Variants in SOBP observed in about 807,000 individuals in gnomAD.
SOBP encodes sine oculis-binding protein homolog.
In SOBP, 4 loss-of-function variants were observed where a neutral mutation model predicts 53.6. The ratio of observed to expected loss-of-function variants is 0.07; its 90% confidence interval spans 0.04 to 0.17. The LOEUF (loss-of-function observed/expected upper bound fraction) is 0.17, where lower values mean the gene tolerates loss of function less well. SOBP is among the 10% of genes least tolerant of loss of function. The pLI, the probability that SOBP is intolerant of heterozygous loss-of-function variation, is 1.00. For synonymous variants in SOBP, 584 were observed against 522.6 expected (o/e 1.12, Z -1.60); for missense variants, 1,088 against 1,204.7 (o/e 0.90, Z 1.43).
chr6:107,578,870 T>C (rs1785318524), intron 4 of SOBP, among the ~76,000 whole-genome samples: 1 of 152,206 alleles, frequency 6.6e-6, no homozygotes, highest in African/African-American at 2.4e-5. Flanking sequence ...GCCTTACAGA[T>C]AGGGTCCTGG....
intron 5 of SOBP, among the ~76,000 whole-genome samples, chr6:107,632,040 C>A (rs1256877374): frequency 6.6e-6 from 1 of 152,208 alleles, no homozygotes; most frequent in African/African-American, 2.4e-5. Context: ...GATGAGTAAT[C>A]AAATGCCCAG....
At chr6:107,492,057 C>G in intron 1 of SOBP, among the ~76,000 whole-genome samples, 1 of 152,204 alleles carries the variant, frequency 6.6e-6, no homozygotes, top group Non-Finnish European at 1.5e-5. Flanking sequence ...AACTTAGTAC[C>G]TGGAAGCATG....
At chr6:107,495,473 C>T (rs916256339) in intron 1 of SOBP, among the ~76,000 whole-genome samples, 3 of 152,032 alleles carry the variant, frequency 2.0e-5, no homozygotes, top group South Asian at 2.1e-4. Context: ...ATTCCAGAGA[C>T]GAGGAAATGG....
chr6:107,645,427 A>G (rs1489263985), intron 6 of SOBP, among the ~76,000 whole-genome samples: 1 of 151,792 alleles, frequency 6.6e-6, no homozygotes, highest in Non-Finnish European at 1.5e-5. Context: ...GTGTTATTAA[A>G]AGATGAGAGA....
At chr6:107,648,528 G>GT (rs1771656746) in intron 6 of SOBP, among the ~76,000 whole-genome samples, 1 of 147,506 alleles carries the variant, frequency 6.8e-6, no homozygotes. Flanking sequence ...GAAAATGTGT[G>GT]GTTTTTTTTT....
In SOBP at chr6:107,623,799, C is replaced by T. The variant is rs115466754; in HGVS notation, c.670-9715C>T. ...ATGAGCCCTTAGAAGAAAAAGGTTT[C>T]GGTTGACCAGAAACTCAGAGTGAAG... is the stretch of plus-strand genomic sequence containing the variant. On this transcript the variant is annotated intron_variant, in intron 5 of 6. Coordinates refer to ENST00000317357, the MANE Select transcript of SOBP (RefSeq NM_018013.4). Among the ~76,000 whole-genome samples, 444 of 152,232 alleles carry T rather than the reference C, an allele frequency of 2.9e-3. 1 individual carries two copies. Among genetic ancestry groups the T allele is most frequent in the African/African-American group, 0.01 (424 of 41,534 alleles).
intron 4 of SOBP, among the ~76,000 whole-genome samples, chr6:107,582,761 G>A (rs1441741851): frequency 1.3e-5 from 2 of 152,190 alleles, no homozygotes; most frequent in African/African-American, 2.4e-5. Context: ...GCCTTGATGT[G>A]CCTTCTTTCA....
At chr6:107,552,598 GTCT>G (rs1178736482) in intron 4 of SOBP, among the ~76,000 whole-genome samples, 1 of 152,148 alleles carries the variant, frequency 6.6e-6, no homozygotes, top group Non-Finnish European at 1.5e-5. Flanking sequence ...GTTCAGCCTG[GTCT>G]TCTCCATTCC....
intron 4 of SOBP, among the ~76,000 whole-genome samples, chr6:107,547,677 C>A (rs1292333612): frequency 6.6e-6 from 1 of 152,142 alleles, no homozygotes; most frequent in Non-Finnish European, 1.5e-5. Context: ...CAGGGGTAAC[C>A]TTTGCAGTTG....
At chr6:107,626,226 T>A (rs1770454022) in intron 5 of SOBP, among the ~76,000 whole-genome samples, 1 of 152,228 alleles carries the variant, frequency 6.6e-6, no homozygotes, top group Non-Finnish European at 1.5e-5. Context: ...AGGATTTTTT[T>A]TGCTAAAAGC....
chr6:107,589,003 G>C (rs1785660083), intron 5 of SOBP, among the ~76,000 whole-genome samples: 1 of 152,152 alleles, frequency 6.6e-6, no homozygotes, highest in Admixed American at 6.5e-5. Context: ...TGTTTGGCTG[G>C]TTATGAAGCC....
chr6:107,590,786 A>G (rs6915710), intron 5 of SOBP, among the ~76,000 whole-genome samples: 50,701 of 151,990 alleles, frequency 0.33, 9,546 homozygotes, highest in East Asian at 0.86. Context: ...CTGTGGGCTG[A>G]TTTTTCCATT....
At chr6:107,546,809 A>T (rs74624776) in intron 4 of SOBP, among the ~76,000 whole-genome samples, 1 of 152,226 alleles carries the variant, frequency 6.6e-6, no homozygotes, top group Non-Finnish European at 1.5e-5. Context: ...CAAAAAAGTA[A>T]GGTAAGTTGT....
At chr6:107,490,768 C>G (rs1782559143) in intron 1 of SOBP, 56 bp downstream of exon 1, 9 of 1,353,282 alleles carry the variant, frequency 6.7e-6, no homozygotes, top group Non-Finnish European at 9.3e-6. Flanking sequence ...GCCCGCTCCC[C>G]GTGGGCCGTG....
intron 4 of SOBP, among the ~76,000 whole-genome samples, chr6:107,552,163 T>G (rs1784477873): frequency 6.6e-6 from 1 of 152,210 alleles, no homozygotes; most frequent in African/African-American, 2.4e-5. Flanking sequence ...TTGGATGGAT[T>G]CTCTTTGACC....
At position 107,504,639 on chromosome 6, in the gene SOBP, G is replaced by A. The variant is rs371320350; in HGVS notation, c.235+844G>A. On this transcript the variant is annotated intron_variant, in intron 2 of 6. Transcript: ENST00000317357. ...CACTGGCAATTTGATCAATATTTGC[G>A]TTGCATTCAAAATCTATTGGCATAA... Among the ~76,000 whole-genome samples, 24 of 152,170 alleles carry A rather than the reference G, an allele frequency of 1.6e-4. 1 individual carries two copies. Among genetic ancestry groups the A allele is most frequent in the African/African-American group, 2.9e-4 (12 of 41,434 alleles).
chr6:107,491,546 A>T (rs1476019234), intron 1 of SOBP, among the ~76,000 whole-genome samples: 1 of 152,244 alleles, frequency 6.6e-6, no homozygotes, highest in African/African-American at 2.4e-5. Flanking sequence ...CAATTGCACA[A>T]GAGCACCGCT....
At chr6:107,517,415 G>GGA (rs142925852) in intron 3 of SOBP, among the ~76,000 whole-genome samples, 10 of 151,274 alleles carry the variant, frequency 6.6e-5, no homozygotes, top group South Asian at 2.1e-4. Flanking sequence ...TGTGGTGAAG[G>GGA]GAGAGAGAGA....
intron 4 of SOBP, chr6:107,558,412 GTGCC>G (rs953774734): frequency 6.6e-5 from 10 of 151,982 alleles, no homozygotes; most frequent in African/African-American, 2.4e-4. Context: ...GGGATTACAG[GTGCC>G]TGCCACCACA....
Sources: gnomAD v4.1 joint callset for allele counts (sites outside exome capture counted in the v4.1 genomes callset) on GRCh38, gnomAD v4.1.1 for gene constraint, MANE v1.5 for transcripts, NCBI Gene and HGNC (gene_info 2026-07-23, HGNC 2026-07-21) for gene names.